Variants in GALK2 observed in about 807,000 individuals in gnomAD.
GALK2 encodes the protein N-acetylgalactosamine kinase.
Under a neutral mutation model 52.4 loss-of-function variants are expected in GALK2, and 36 were observed. The ratio of observed to expected loss-of-function variants is 0.69; its 90% CI spans 0.53 to 0.91. The LOEUF (loss-of-function observed/expected upper bound fraction) is 0.91. GALK2 is among the 40% of genes least tolerant of loss of function. The pLI, the probability that GALK2 is intolerant of heterozygous loss-of-function variation, is 0.00. For synonymous variants in GALK2, 176 were observed against 199.1 expected (o/e 0.88, Z 0.98); for missense variants, 579 against 559.1 (o/e 1.04, Z -0.36).
Position 49,254,706 on chromosome 15 carries a change from A to G in GALK2, c.504+15339A>G, listed in dbSNP as rs987414858. Among the ~76,000 whole-genome samples the G allele has an allele frequency of 7.6e-5, 11 of 144,050 alleles. 4 individuals carry two copies. The highest frequency in any genetic ancestry group is 1.7e-4 in the Non-Finnish European group (11 of 64,060). The allele number at this position is 144,050 out of a possible 152,430, so 94.5% of individuals were successfully genotyped here. ...TTTAAAAGATGTAGATTTTTTAGGG[A>G]TAGTTCACAGAAACCTATGTGTTAA... On this transcript the variant is annotated intron_variant, in intron 5 of 9. Coordinates refer to ENST00000560031, the MANE Select transcript of GALK2 (RefSeq NM_002044.4).
At chr15:49,359,054 G>A (rs1008762353) in intron 3 of GALK2, among the ~76,000 whole-genome samples, 5 of 152,108 alleles carry the variant, frequency 3.3e-5, no homozygotes, top group Middle Eastern at 3.4e-3. Flanking sequence ...GCTGAAACTC[G>A]ATCCCTTCCT....
At chr15:49,294,140 C>CAAAGAAAT (rs780557514) in intron 8 of GALK2, among the ~76,000 whole-genome samples, 1 of 139,864 alleles carries the variant, frequency 7.1e-6, no homozygotes, top group African/African-American at 2.6e-5. Context: ...GACCCTGTCT[C>CAAAGAAAT]AAATAAATAA....
At chr15:49,228,254 T>C (rs1468638923) in intron 3 of GALK2, among the ~76,000 whole-genome samples, 2 of 152,204 alleles carry the variant, frequency 1.3e-5, no homozygotes, top group Non-Finnish European at 2.9e-5. Flanking sequence ...TATCAGAATA[T>C]GTAAATCTGT....
intron 3 of GALK2, among the ~76,000 whole-genome samples, chr15:49,340,022 T>A (rs2040427068): frequency 6.6e-6 from 1 of 152,068 alleles, no homozygotes; most frequent in Non-Finnish European, 1.5e-5. Context: ...GGCACGAGAA[T>A]TTCAAGCCAG....
intron 3 of GALK2, among the ~76,000 whole-genome samples, chr15:49,231,720 A>G (rs1394558290): frequency 3.3e-5 from 5 of 152,248 alleles, no homozygotes; most frequent in Admixed American, 3.3e-4. Flanking sequence ...GAAAGGGGCT[A>G]CAGGCCCCAT....
At chr15:49,303,489 A>C (rs1425386526) in intron 8 of GALK2, among the ~76,000 whole-genome samples, 1 of 152,246 alleles carries the variant, frequency 6.6e-6, no homozygotes, top group Non-Finnish European at 1.5e-5. Flanking sequence ...TTCTGAGGCC[A>C]GCAGAGAAGT....
intron 3 of GALK2, among the ~76,000 whole-genome samples, chr15:49,340,619 T>G (rs533568420): frequency 6.6e-6 from 1 of 152,236 alleles, no homozygotes; most frequent in African/African-American, 2.4e-5. Context: ...TATTTATTAT[T>G]TGCTTGTTCA....
At chr15:49,304,970 G>C (rs964601420) in intron 8 of GALK2, among the ~76,000 whole-genome samples, 1 of 152,148 alleles carries the variant, frequency 6.6e-6, no homozygotes, top group African/African-American at 2.4e-5. Context: ...CTGTCTTGCA[G>C]AGTTCATGGT....
rs140643892 is a variant in GALK2, at chr15:49,177,729, A to G, written c.53+7354A>G. The G allele has an allele frequency of 8.5e-4, 684 of 806,812 alleles. 1 individual carries two copies. The highest frequency in any genetic ancestry group is 1.1e-3 in the Non-Finnish European group (634 of 553,700). The allele number at this position is 806,812 out of a possible 1,614,324, so 50.0% of individuals were successfully genotyped here. A position where few individuals can be genotyped will look rare whatever the true frequency, so the allele number is the denominator to read the frequency against. On this transcript the variant is annotated intron_variant, in intron 1 of 9. Transcript: ENST00000560031. ...TCTTTCGGCCTGCAGATGTCAGCCC[A>G]TGCATCACCCTTTGCTTGTGGACTG...
At chr15:49,214,057 G>A (rs887355798) in intron 2 of GALK2, among the ~76,000 whole-genome samples, 4 of 151,908 alleles carry the variant, frequency 2.6e-5, no homozygotes, top group Non-Finnish European at 4.4e-5. Context: ...GAGGTGGAGC[G>A]TGCAGTGAGC....
intron 3 of GALK2, among the ~76,000 whole-genome samples, chr15:49,222,332 C>T (rs905855399): frequency 2.0e-5 from 3 of 152,100 alleles, no homozygotes; most frequent in African/African-American, 7.2e-5. Context: ...AAAATCATGT[C>T]ACCTGTGAAA....
intron 5 of GALK2, among the ~76,000 whole-genome samples, chr15:49,245,074 CAG>C (rs1328223350): frequency 1.3e-5 from 2 of 151,900 alleles, no homozygotes; most frequent in African/African-American, 2.4e-5. Context: ...ACAATAATCT[CAG>C]TAATTAACAC....
In GALK2 at chr15:49,192,485, G is replaced by GTATATATATATATA. The variant is rs58230206; in HGVS notation, c.54-8650_54-8637dup. Among the ~76,000 whole-genome samples the GTATATATATATATA allele has an allele frequency of 3.6e-4, 37 of 102,952 alleles. 2 individuals are homozygous for GTATATATATATATA. Among genetic ancestry groups the GTATATATATATATA allele is most frequent in the African/African-American group, 6.1e-4 (15 of 24,714 alleles). 67.5% of individuals were successfully genotyped at this position (102,952 alleles called of 152,430 possible). A position where few individuals can be genotyped will look rare whatever the true frequency, so the allele number is the denominator to read the frequency against. On this transcript the variant is annotated intron_variant, in intron 1 of 9. Coordinates refer to ENST00000560031, the MANE Select transcript of GALK2 (RefSeq NM_002044.4). ...TCTGCAATGAATATTATATATATAT[G>GTATATATATATATA]TATATATATATATATATATATATAT... is the stretch of plus-strand genomic sequence containing the variant.
At chr15:49,338,709 C>A (rs1021309062) in intron 3 of GALK2, among the ~76,000 whole-genome samples, 1 of 152,190 alleles carries the variant, frequency 6.6e-6, no homozygotes, top group Non-Finnish European at 1.5e-5. Context: ...TGGATAATAT[C>A]CTGAAGAGTG....
At chr15:49,326,329 C>T (rs1297956814) in intron 9 of GALK2, among the ~76,000 whole-genome samples, 1 of 142,288 alleles carries the variant, frequency 7.0e-6, no homozygotes, top group Non-Finnish European at 1.5e-5. Context: ...GGTGCAATCT[C>T]GGCTCACTGC....
In GALK2 at chr15:49,201,199, G is replaced by A. The variant is rs892814303; in HGVS notation, c.91G>A (p.Gly31Arg). 14 of 1,609,558 alleles carry A rather than the reference G, an allele frequency of 8.7e-6. No individual in the cohort carries two copies. Among genetic ancestry groups the A allele is most frequent in the Non-Finnish European group, 1.1e-5 (13 of 1,176,506 alleles). The change falls in exon 2 of 10, where the codon GGA becomes AGA. Residue 31 changes from glycine to arginine, a missense_variant. Transcript: ENST00000560031. ...AAAGGAGATGTTTAACTCCAAGTTTGGATCTATTCCCAAGTTTTATGTTCG... is the reference window on the plus strand; with the variant it reads ...AAAGGAGATGTTTAACTCCAAGTTTAGATCTATTCCCAAGTTTTATGTTCG... ...KLKEMFNSKFGSIPKFYVRAP... is the reference protein window; with the variant it reads ...KLKEMFNSKFRSIPKFYVRAP...
chr15:49,340,403 G>GC (rs373386438), intron 3 of GALK2, among the ~76,000 whole-genome samples: 10,439 of 94,434 alleles, frequency 0.11, 514 homozygotes, highest in Non-Finnish European at 0.15. Context: ...GCAGTGCCCC[G>GC]CCCCCCCCCT....
At chr15:49,335,998 G>A (rs541130301), downstream of GALK2, among the ~76,000 whole-genome samples, 2 of 152,142 alleles carry the variant, frequency 1.3e-5, no homozygotes, top group Admixed American at 6.5e-5. Context: ...ACAGTTTCTC[G>A]CTATCTTGCC....
At chr15:49,174,820 A>G (rs1303712300) in intron 1 of GALK2, among the ~76,000 whole-genome samples, 2 of 152,190 alleles carry the variant, frequency 1.3e-5, no homozygotes, top group Non-Finnish European at 2.9e-5. Flanking sequence ...AATAATAATG[A>G]TGATAGCATC....
Sources: gnomAD v4.1 joint callset for allele counts (sites outside exome capture counted in the v4.1 genomes callset) on GRCh38, gnomAD v4.1.1 for gene constraint, MANE v1.5 for transcripts, NCBI Gene and HGNC (gene_info 2026-07-23, HGNC 2026-07-21) for gene names.